The following PRICKLE1 variants were observed in gnomAD, a reference collection of about 807,000 sequenced individuals.
PRICKLE1 encodes the protein prickle planar cell polarity protein 1.
A neutral mutation model predicts 70.2 loss-of-function variants in PRICKLE1; 14 were observed. The observed-to-expected ratio is 0.20, with a 90% confidence interval of 0.13 to 0.31. PRICKLE1 has a LOEUF of 0.31. Ranked by LOEUF, PRICKLE1 falls within the 10% of genes least tolerant of loss-of-function variation. The probability of loss-of-function intolerance (pLI) is 1.00; values close to 1 mark genes in which losing one functional copy is unlikely to be tolerated. For synonymous variants in PRICKLE1, 357 were observed against 379.9 expected (o/e 0.94, Z 0.70); for missense variants, 821 against 1,026.2 (o/e 0.80, Z 2.73).
intron 1 of PRICKLE1, chr12:42,483,700 T>A (rs1436352509): frequency 6.7e-6 from 1 of 150,344 alleles, no homozygotes; most frequent in Non-Finnish European, 1.5e-5. Context: ...CGTGACGCAC[T>A]TTCCCCCCCG....
chr12:42,513,741 A>G (rs1939557462), intron 1 of PRICKLE1, among the ~76,000 whole-genome samples: 2 of 152,100 alleles, frequency 1.3e-5, no homozygotes, highest in Admixed American at 1.3e-4. Flanking sequence ...ATAACCTGCA[A>G]TCCCAGCACT....
chr12:42,463,337 T>G (rs912697665), intron 7 of PRICKLE1, among the ~76,000 whole-genome samples: 6 of 151,946 alleles, frequency 3.9e-5, no homozygotes, highest in African/African-American at 1.4e-4. Flanking sequence ...AAGAAAACAT[T>G]ACAGTAATAT....
chr12:42,587,896 T>C (rs1941008467), intron 1 of PRICKLE1, among the ~76,000 whole-genome samples: 1 of 152,260 alleles, frequency 6.6e-6, no homozygotes. Context: ...TTGGATTAAG[T>C]TGATGCTCAA....
intron 1 of PRICKLE1, among the ~76,000 whole-genome samples, chr12:42,514,893 CTATCTATCTATCTATCTATCTAT>C (rs1939578350): frequency 1.3e-5 from 1 of 77,932 alleles, no homozygotes; most frequent in Non-Finnish European, 2.9e-5. Flanking sequence ...CTCGCTCTAT[CTATCTATCTATCTATCTATCTAT>C]CTATCTATCT....
At chr12:42,533,735 T>C (rs146749383) in intron 1 of PRICKLE1, among the ~76,000 whole-genome samples, 1,957 of 152,202 alleles carry the variant, frequency 0.013, 15 homozygotes, top group Middle Eastern at 0.034. Context: ...ATGCTAAATA[T>C]AGACTAAATT....
At chr12:42,549,729 T>C (rs1419982685) in intron 1 of PRICKLE1, among the ~76,000 whole-genome samples, 1 of 152,214 alleles carries the variant, frequency 6.6e-6, no homozygotes, top group African/African-American at 2.4e-5. Flanking sequence ...TGCTGCCACA[T>C]AGAGTATCAT....
chr12:42,562,371 G>A (rs2103410), intron 1 of PRICKLE1, among the ~76,000 whole-genome samples: 108,173 of 152,118 alleles, frequency 0.71, 41,793 homozygotes, highest in East Asian at 0.96. Flanking sequence ...AACTCAATTC[G>A]AGGATGTAAA....
intron 5 of PRICKLE1, among the ~76,000 whole-genome samples, chr12:42,467,276 C>A (rs970132670): frequency 1.4e-4 from 21 of 151,986 alleles, no homozygotes; most frequent in African/African-American, 5.1e-4. Flanking sequence ...GCCACCATGC[C>A]CAGCTAATTT....
chr12:42,497,791 A>G (rs894170808), intron 1 of PRICKLE1, among the ~76,000 whole-genome samples: 2 of 152,182 alleles, frequency 1.3e-5, no homozygotes, highest in African/African-American at 4.8e-5. Flanking sequence ...CAGGATTGCC[A>G]CAACGCAGTA....
intron 1 of PRICKLE1, among the ~76,000 whole-genome samples, chr12:42,532,753 C>A (rs1362680072): frequency 6.6e-6 from 1 of 152,040 alleles, no homozygotes; most frequent in Non-Finnish European, 1.5e-5. Context: ...AAAAATTAGC[C>A]GCACGCTGTG....
chr12:42,541,806 G>C (rs1224165188), intron 1 of PRICKLE1, among the ~76,000 whole-genome samples: 2 of 152,186 alleles, frequency 1.3e-5, no homozygotes, highest in Middle Eastern at 3.2e-3. Context: ...CCCTACATTA[G>C]GCTGACCTTT....
chr12:42,528,301 TG>T (rs1939850746), intron 1 of PRICKLE1, among the ~76,000 whole-genome samples: 1 of 152,068 alleles, frequency 6.6e-6, no homozygotes, highest in Admixed American at 6.6e-5. Flanking sequence ...CTCGAACTCC[TG>T]GGCTCAAGTG....
Position 42,589,192 on chromosome 12 carries a change from G to A in PRICKLE1, c.-49+273C>T, listed in dbSNP as rs1941035504. 1 of 152,276 alleles carries A rather than the reference G, an allele frequency of 6.6e-6. No homozygotes were observed. The highest frequency in any genetic ancestry group is 2.1e-4 in the South Asian group (1 of 4,838). The allele number at this position is 152,276 out of a possible 1,614,324, so 9.4% of individuals were successfully genotyped here. A position where few individuals can be genotyped will look rare whatever the true frequency, so the allele number is the denominator to read the frequency against. ...TCCACGCCGGAGAAAACCAAGGGAA[G>A]AGTTGGTTGTGATGCAGCAAACAGG... On this transcript the variant is annotated intron_variant, in intron 1 of 7. Coordinates refer to ENST00000345127, the MANE Select transcript of PRICKLE1 (RefSeq NM_153026.3). This position sits in a 1 kb window ranked among gnomAD's most constrained non-coding sequence, Gnocchi z 5.0.
intron 1 of PRICKLE1, among the ~76,000 whole-genome samples, chr12:42,577,818 T>C (rs1940827864): frequency 6.6e-6 from 1 of 152,186 alleles, no homozygotes; most frequent in Non-Finnish European, 1.5e-5. Flanking sequence ...AACAATAAAA[T>C]ATCATCAAAC....
intron 1 of PRICKLE1, among the ~76,000 whole-genome samples, chr12:42,528,554 AT>A (rs1293915179): frequency 6.6e-6 from 1 of 152,240 alleles, no homozygotes; most frequent in Non-Finnish European, 1.5e-5. Flanking sequence ...TCATTTCATA[AT>A]AAAACATTAT....
At position 42,531,043 on chromosome 12, in the gene PRICKLE1, C is replaced by CTT. The variant is rs141334021; in HGVS notation, c.-49+58420_-49+58421dup. On this transcript the variant is annotated intron_variant, in intron 1 of 7. Transcript: ENST00000345127. ...GCCCTATTGCTAAAGATGTTAAGGG[C>CTT]TTTTTTTTTTTTTTTTTTTTTTTGA... Among the ~76,000 whole-genome samples the CTT allele has an allele frequency of 1.7e-3, 167 of 100,118 alleles. 1 individual carries two copies. Among genetic ancestry groups the CTT allele is most frequent in the African/African-American group, 3.8e-3 (91 of 24,142 alleles). The allele number at this position is 100,118 out of a possible 152,430, so 65.7% of individuals were successfully genotyped here.
intron 1 of PRICKLE1, among the ~76,000 whole-genome samples, chr12:42,499,820 C>G (rs896673863): frequency 6.6e-6 from 1 of 152,108 alleles, no homozygotes; most frequent in African/African-American, 2.4e-5. Flanking sequence ...CTCTGCCTCC[C>G]GGGTTCAAGC....
chr12:42,582,441 T>C (rs1940917584), intron 1 of PRICKLE1, among the ~76,000 whole-genome samples: 1 of 152,248 alleles, frequency 6.6e-6, no homozygotes, highest in Admixed American at 6.5e-5. Context: ...AAGAAACATC[T>C]GTGATTCTCT....
At chr12:42,578,053 A>T (rs1298882295) in intron 1 of PRICKLE1, among the ~76,000 whole-genome samples, 1 of 152,208 alleles carries the variant, frequency 6.6e-6, no homozygotes, top group Non-Finnish European at 1.5e-5. Context: ...AATGAGATGA[A>T]TATGAAAGTG....
Sources: allele counts gnomAD v4.1 joint callset (sites outside exome capture counted in the v4.1 genomes callset), GRCh38; gene constraint gnomAD v4.1.1; non-coding constraint Gnocchi (gnomAD v3.1); transcripts MANE v1.5; gene names NCBI Gene and HGNC (gene_info 2026-07-23, HGNC 2026-07-21).